The following TTC28 variants were observed in gnomAD, a reference collection of about 807,000 sequenced individuals.
The protein encoded by TTC28 is tetratricopeptide repeat protein 28.
In TTC28, 61 loss-of-function variants were observed where a neutral mutation model predicts 198.0. The observed-to-expected ratio is 0.31, with a 90% confidence interval of 0.25 to 0.38. TTC28 has a LOEUF of 0.38. Among genes scored for constraint, TTC28 ranks in the 10% least tolerant of loss-of-function variants. TTC28 has a pLI of 1.00. For synonymous variants in TTC28, 1,171 were observed against 1,297.8 expected (o/e 0.90, Z 2.10); for missense variants, 2,678 against 3,164.0 (o/e 0.85, Z 3.69).
intron 2 of TTC28, among the ~76,000 whole-genome samples, chr22:28,443,640 A>T (rs9613616): frequency 6.6e-6 from 1 of 152,116 alleles, no homozygotes; most frequent in East Asian, 1.9e-4. Context: ...ACCCAACTCC[A>T]CAGCTCAGTC....
chr22:28,605,164 C>T (rs984126709), intron 2 of TTC28, among the ~76,000 whole-genome samples: 1 of 152,164 alleles, frequency 6.6e-6, no homozygotes, highest in Non-Finnish European at 1.5e-5. Context: ...CAGCATCCAT[C>T]TTAAAGTAGT....
intron 22 of TTC28, among the ~76,000 whole-genome samples, chr22:27,984,496 C>T (rs1275819215): frequency 1.3e-5 from 2 of 152,210 alleles, no homozygotes; most frequent in East Asian, 3.9e-4. Flanking sequence ...CCCTGGAATG[C>T]CCACAGGACA....
At chr22:28,314,475 T>G (rs534914185) in intron 2 of TTC28, among the ~76,000 whole-genome samples, 1 of 152,186 alleles carries the variant, frequency 6.6e-6, no homozygotes, top group African/African-American at 2.4e-5. Flanking sequence ...ACTACAAGGC[T>G]ACAGTAACCA....
intron 2 of TTC28, among the ~76,000 whole-genome samples, chr22:28,562,352 CA>C (rs1309387670): frequency 6.6e-6 from 1 of 152,064 alleles, no homozygotes; most frequent in African/African-American, 2.4e-5. Flanking sequence ...TTGAGCAAAA[CA>C]AAAGTTATTT....
chr22:28,461,409 C>T (rs549625535), intron 2 of TTC28, among the ~76,000 whole-genome samples: 132 of 152,174 alleles, frequency 8.7e-4, no homozygotes, highest in African/African-American at 2.3e-3. Flanking sequence ...CTACCACATA[C>T]AATATCAAAC....
chr22:28,063,347 T>A (rs879666003), intron 12 of TTC28, among the ~76,000 whole-genome samples: 2 of 152,226 alleles, frequency 1.3e-5, no homozygotes, highest in Non-Finnish European at 2.9e-5. Context: ...TAGTTTACTA[T>A]TGGAGCTTTA....
chr22:28,343,940 A>G (rs975349499), intron 2 of TTC28, among the ~76,000 whole-genome samples: 9 of 152,174 alleles, frequency 5.9e-5, no homozygotes, highest in Non-Finnish European at 8.8e-5. Flanking sequence ...AATATACGCT[A>G]TTGTTTACAT....
intron 12 of TTC28, among the ~76,000 whole-genome samples, chr22:28,054,938 A>G (rs1940223261): frequency 6.6e-6 from 1 of 152,198 alleles, no homozygotes; most frequent in African/African-American, 2.4e-5. Context: ...TAGCTGAAAG[A>G]GCACCCACAG....
At chr22:28,452,042 T>C (rs2047785800) in intron 2 of TTC28, among the ~76,000 whole-genome samples, 1 of 152,038 alleles carries the variant, frequency 6.6e-6, no homozygotes. Flanking sequence ...AATATGTACA[T>C]TTCATTAAAG....
intron 2 of TTC28, among the ~76,000 whole-genome samples, chr22:28,421,933 CAAA>C (rs3884802): frequency 8.0e-5 from 6 of 75,350 alleles, no homozygotes; most frequent in Non-Finnish European, 5.9e-5. Flanking sequence ...GACTCCGTCT[CAAA>C]AAAAAAAAAA....
chr22:28,014,188 C>T, intron 14 of TTC28, 60 bp downstream of exon 14: 2 of 1,500,608 alleles, frequency 1.3e-6, no homozygotes, highest in Non-Finnish European at 1.8e-6. Flanking sequence ...CATGTGGGCG[C>T]TGACTGGTAA....
At chr22:28,060,947 G>C (rs887117508) in intron 12 of TTC28, among the ~76,000 whole-genome samples, 28 of 152,210 alleles carry the variant, frequency 1.8e-4, no homozygotes, top group African/African-American at 6.3e-4. Flanking sequence ...TTGTGGTTTT[G>C]ATTTGCATTT....
intron 2 of TTC28, among the ~76,000 whole-genome samples, chr22:28,467,738 G>T (rs529633270): frequency 3.9e-5 from 6 of 152,242 alleles, no homozygotes; most frequent in African/African-American, 1.4e-4. Flanking sequence ...TCAGAAAAGT[G>T]AAACAAATCT....
intron 12 of TTC28, among the ~76,000 whole-genome samples, chr22:28,034,206 T>C (rs1442306853): frequency 6.6e-6 from 1 of 152,066 alleles, no homozygotes; most frequent in Admixed American, 6.5e-5. Flanking sequence ...CTGGTGGTCA[T>C]AGCTCAGCAG....
chr22:28,045,521 G>C (rs1384985512), intron 12 of TTC28, among the ~76,000 whole-genome samples: 2 of 152,202 alleles, frequency 1.3e-5, no homozygotes, highest in Admixed American at 6.5e-5. Flanking sequence ...ATGAAATAAT[G>C]TCAGTGTATA....
chr22:28,320,098 A>AT (rs1393665788), intron 2 of TTC28, among the ~76,000 whole-genome samples: 1 of 151,878 alleles, frequency 6.6e-6, no homozygotes, highest in African/African-American at 2.4e-5. Context: ...TATTTTTTCC[A>AT]TTCTGGTTCT....
chr22:28,530,379 G>T (rs2049106857), intron 2 of TTC28, among the ~76,000 whole-genome samples: 1 of 152,148 alleles, frequency 6.6e-6, no homozygotes, highest in African/African-American at 2.4e-5. Context: ...GAAAAGAAAT[G>T]AACAGAGCCT....
At chr22:28,085,025 C>T (rs1161784649) in intron 12 of TTC28, among the ~76,000 whole-genome samples, 1 of 152,152 alleles carries the variant, frequency 6.6e-6, no homozygotes, top group Non-Finnish European at 1.5e-5. Context: ...AACACCAAAT[C>T]TACGTCTGAT....
intron 2 of TTC28, among the ~76,000 whole-genome samples, chr22:28,440,101 G>C (rs1445562258): frequency 6.6e-6 from 1 of 152,214 alleles, no homozygotes; most frequent in Non-Finnish European, 1.5e-5. Flanking sequence ...CTCCCAAAGT[G>C]CTGGGATTAC....
Sources: gnomAD v4.1 joint callset for allele counts (sites outside exome capture counted in the v4.1 genomes callset) on GRCh38, gnomAD v4.1.1 for gene constraint, MANE v1.5 for transcripts, NCBI Gene and HGNC (gene_info 2026-07-23, HGNC 2026-07-21) for gene names.